Variants in BCL6 observed in about 807,000 individuals in gnomAD.
BCL6 encodes BCL6 transcription repressor, also known as B-cell lymphoma 6 protein.
A neutral mutation model predicts 59.5 loss-of-function variants in BCL6; 7 were observed. The observed-to-expected ratio is 0.12, with a 90% confidence interval of 0.07 to 0.22. The LOEUF (loss-of-function observed/expected upper bound fraction) is 0.22, where lower values mean the gene tolerates loss of function less well. Ranked by LOEUF, BCL6 falls within the 10% of genes least tolerant of loss-of-function variation. BCL6 has a pLI of 1.00. For missense variants in BCL6, 685 were observed against 939.4 expected (o/e 0.73, Z 3.54); for synonymous variants, 339 against 349.7 (o/e 0.97, Z 0.34).
rs1718425181 is a variant in BCL6, at chr3:187,721,719, T to C, written c.*739A>G. 1.3e-5 allele frequency: 3 copies of C among 231,966 alleles called. No individual in the cohort carries two copies. Among genetic ancestry groups the C allele is most frequent in the African/African-American group, 2.2e-5 (1 of 45,216 alleles). The allele number at this position is 231,966 out of a possible 1,614,324, so 14.4% of individuals were successfully genotyped here. ...CTGCAGATTTTTTTGTTCTTTTTGT[T>C]TTTTTTAATACACACTTTGTAAATT... On this transcript the variant is annotated 3_prime_UTR_variant, in exon 10 of 10. Coordinates refer to ENST00000406870, the MANE Select transcript of BCL6 (RefSeq NM_001706.5). This position sits in a 1 kb window ranked among gnomAD's most constrained non-coding sequence, Gnocchi z 4.2.
At position 187,724,100 on chromosome 3, in the gene BCL6, C is replaced by T. The variant is rs557312781; in HGVS notation, c.1977+841G>A. Among the ~76,000 whole-genome samples the T allele has an allele frequency of 1.5e-4, 23 of 152,240 alleles. No homozygotes were observed. In the East Asian group the frequency reaches 1.9e-3, roughly 13 times the overall value. The stretch of plus-strand genomic sequence containing the variant: ...TAACCATGTTTTGCAGGTTAACCTC[C>T]GGTATGTAGGTTAACCATTCATTGA... On this transcript the variant is annotated intron_variant, in intron 9 of 9. Coordinates refer to ENST00000406870, the MANE Select transcript of BCL6 (RefSeq NM_001706.5).
chr3:187,730,988 T>C (rs1719012158), intron 4 of BCL6, among the ~76,000 whole-genome samples: 2 of 152,170 alleles, frequency 1.3e-5, no homozygotes, highest in Non-Finnish European at 2.9e-5. Flanking sequence ...TGAGCGAGGA[T>C]GCAATCACCC....
In BCL6 at chr3:187,721,692, T is replaced by C. The variant is rs1040587531; in HGVS notation, c.*766A>G. On this transcript the variant is annotated 3_prime_UTR_variant, in exon 10 of 10. Coordinates refer to ENST00000406870, the MANE Select transcript of BCL6 (RefSeq NM_001706.5). This position sits in a 1 kb window ranked among gnomAD's most constrained non-coding sequence, Gnocchi z 4.2. ...CTAGAACAAAATTACACATTTTTCC[T>C]TCTGCAGATTTTTTTGTTCTTTTTG... 8.6e-6 allele frequency: 2 copies of C among 232,768 alleles called. No individual in the cohort carries two copies. Among genetic ancestry groups the C allele is most frequent in the Non-Finnish European group, 1.7e-5 (2 of 117,512 alleles). The allele number at this position is 232,768 out of a possible 1,614,324, so 14.4% of individuals were successfully genotyped here.
At chr3:187,730,659 CAGTT>C (rs938065270) in intron 4 of BCL6, among the ~76,000 whole-genome samples, 1 of 152,176 alleles carries the variant, frequency 6.6e-6, no homozygotes, top group African/African-American at 2.4e-5. Flanking sequence ...GACATGGAGC[CAGTT>C]ACTCAGCCAT....
intron 1 of BCL6, among the ~76,000 whole-genome samples, chr3:187,744,961 A>G (rs978708308): frequency 2.6e-5 from 4 of 152,186 alleles, no homozygotes; most frequent in South Asian, 2.1e-4. Flanking sequence ...CAGCCCCCAG[A>G]CTAGCCCGAA....
At chr3:187,739,388 G>C (rs61732637) in intron 1 of BCL6, among the ~76,000 whole-genome samples, 1 of 152,180 alleles carries the variant, frequency 6.6e-6, no homozygotes, top group Non-Finnish European at 1.5e-5. Flanking sequence ...AGGTCAAATC[G>C]CGGAGCTGTT....
At chr3:187,744,567 T>C (rs995274919) in intron 1 of BCL6, among the ~76,000 whole-genome samples, 6 of 152,100 alleles carry the variant, frequency 3.9e-5, no homozygotes, top group South Asian at 4.2e-4. Flanking sequence ...CTCATCTGGA[T>C]TTATGACCAA....
At chr3:187,728,205 T>A (rs1037536328) in intron 6 of BCL6, among the ~76,000 whole-genome samples, 155 bp downstream of exon 6, 1 of 152,124 alleles carries the variant, frequency 6.6e-6, no homozygotes, top group Admixed American at 6.5e-5. Context: ...AAGCGAAGCG[T>A]GGGATGAACG....
chr3:187,731,165 A>G (rs1426991936), intron 4 of BCL6, among the ~76,000 whole-genome samples: 1 of 152,208 alleles, frequency 6.6e-6, no homozygotes, highest in Non-Finnish European at 1.5e-5. Context: ...CATTCAATTC[A>G]ATAAATGTCC....
chr3:187,724,920 G>T, intron 9 of BCL6, 21 bp downstream of exon 9: 1 of 1,606,044 alleles, frequency 6.2e-7, no homozygotes, highest in Non-Finnish European at 8.5e-7. Flanking sequence ...GTCAGAGAGC[G>T]GCCTCAAGAG....
At chr3:187,741,931 G>T (rs764002297) in intron 1 of BCL6, among the ~76,000 whole-genome samples, 4 of 151,320 alleles carry the variant, frequency 2.6e-5, no homozygotes, top group South Asian at 2.1e-4. Context: ...GGCTACCTCC[G>T]CCTGGAGAAC....
chr3:187,744,852 C>T (rs560660330), intron 1 of BCL6, among the ~76,000 whole-genome samples: 8 of 152,222 alleles, frequency 5.3e-5, no homozygotes, highest in South Asian at 4.1e-4. Flanking sequence ...AGGGAAAAAA[C>T]ACAGCCGCAC....
chr3:187,728,692 A>C, intron 5 of BCL6, 148 bp from the exon 6 acceptor site: 1 of 819,476 alleles, frequency 1.2e-6, no homozygotes, highest in Non-Finnish European at 1.8e-6. Flanking sequence ...GTTTATCTCC[A>C]AACAGTATCT....
chr3:187,723,146 C>G (rs1718507545), intron 9 of BCL6, among the ~76,000 whole-genome samples: 1 of 152,124 alleles, frequency 6.6e-6, no homozygotes, highest in African/African-American at 2.4e-5. Context: ...GACAAATGGA[C>G]TAGATCAGTC....
chr3:187,723,370 G>C (rs1718517982), intron 9 of BCL6, among the ~76,000 whole-genome samples: 3 of 152,116 alleles, frequency 2.0e-5, no homozygotes, highest in Admixed American at 6.5e-5. Flanking sequence ...ATCTAGATGA[G>C]ATCTTGAATG....
At position 187,735,283 on chromosome 3, in the gene BCL6, C is replaced by T. The variant is rs577607094; in HGVS notation, c.-49-376G>A. On this transcript the variant is annotated intron_variant, in intron 1 of 9. Coordinates refer to ENST00000406870, the MANE Select transcript of BCL6 (RefSeq NM_001706.5). ...TCTGTCAACATTAACAATAACGATT[C>T]GTCCGTGGCCTAAAACCACTGGACG... Among the ~76,000 whole-genome samples, 321 of 152,280 alleles carry T rather than the reference C, an allele frequency of 2.1e-3. 1 individual carries two copies. Among genetic ancestry groups the T allele is most frequent in the African/African-American group, 7.4e-3 (309 of 41,558 alleles).
chr3:187,728,336 G>T (rs773235179), intron 6 of BCL6, 24 bp downstream of exon 6: 191 of 1,552,014 alleles, frequency 1.2e-4, no homozygotes, highest in Non-Finnish European at 1.7e-4. Flanking sequence ...TCCCTGACAA[G>T]AGGAGGGAGG....
chr3:187,734,623 T>C (rs1374214352), intron 2 of BCL6: 1 of 152,352 alleles, frequency 6.6e-6, no homozygotes, highest in African/African-American at 2.4e-5. Flanking sequence ...AGCTAGCATA[T>C]TGTTGGTGAA....
In BCL6 at chr3:187,731,901, T is replaced by C; in HGVS notation, c.191A>G (p.Gln64Arg). ...GATCACACTAAGGTTGCATTTCAACTGGTCTGTAAAGATGCTATAGAACAG... is the reference window on the plus strand; with the variant it reads ...GATCACACTAAGGTTGCATTTCAACCGGTCTGTAAAGATGCTATAGAACAG... The part of the protein sequence containing the change: ...SGLFYSIFTD[Q>R]LKCNLSVINL... The change falls in exon 4 of 10, where the codon CAG becomes CGG. Residue 64 changes from glutamine (Q) to arginine (R), a missense_variant. This residue lies in a region of BCL6 where 102 missense variants were observed against 176.6 expected (regional missense o/e 0.58). Transcript: ENST00000406870. The C allele has an allele frequency of 6.2e-7, 1 of 1,614,148 alleles. No individual in the cohort carries two copies. The highest frequency in any genetic ancestry group is 8.5e-7 in the Non-Finnish European group (1 of 1,179,994).
Sources: allele counts gnomAD v4.1 joint callset (sites outside exome capture counted in the v4.1 genomes callset), GRCh38; gene constraint gnomAD v4.1.1; regional missense constraint gnomAD v4.1.1; non-coding constraint Gnocchi (gnomAD v3.1); transcripts MANE v1.5; gene names NCBI Gene and HGNC (gene_info 2026-07-23, HGNC 2026-07-21).